The following BCAT1 variants were observed in gnomAD, a reference collection of about 807,000 sequenced individuals.
The protein encoded by BCAT1 is branched-chain-amino-acid aminotransferase, cytosolic.
In BCAT1, 48 loss-of-function variants were observed where a neutral mutation model predicts 52.4. The ratio of observed to expected loss-of-function variants is 0.92; its 90% confidence interval spans 0.73 to 1.16. The LOEUF is 1.16. Among genes scored for constraint, BCAT1 ranks in the 50% most tolerant of loss-of-function variants. The probability of loss-of-function intolerance (pLI) is 0.00; values close to 1 mark genes in which losing one functional copy is unlikely to be tolerated. For synonymous variants in BCAT1, 167 were observed against 161.3 expected, an observed-to-expected ratio of 1.04 and a Z score of -0.27; for missense variants, 451 against 457.1, an observed-to-expected ratio of 0.99 and a Z score of 0.12.
At chr12:24,834,717 T>G (rs1479543328) in intron 8 of BCAT1, 25 of 1,049,296 alleles carry the variant, frequency 2.4e-5, no homozygotes, top group Admixed American at 5.5e-5. Flanking sequence ...TTTCAATTTC[T>G]CTCAGTCTAC....
chr12:24,918,658 T>C (rs1352570878), intron 1 of BCAT1, among the ~76,000 whole-genome samples: 1 of 152,160 alleles, frequency 6.6e-6, no homozygotes, highest in Non-Finnish European at 1.5e-5. Context: ...TTTTCAGAAG[T>C]ATATCATATA....
chr12:24,846,773 T>A (rs1941356734), intron 6 of BCAT1, among the ~76,000 whole-genome samples: 1 of 152,172 alleles, frequency 6.6e-6, no homozygotes, highest in South Asian at 2.1e-4. Flanking sequence ...CAAAGAGAAA[T>A]ACTCCAAAAT....
chr12:24,914,581 G>C (rs1320840306), intron 1 of BCAT1, among the ~76,000 whole-genome samples: 1 of 152,188 alleles, frequency 6.6e-6, no homozygotes, highest in Non-Finnish European at 1.5e-5. Context: ...TTAACATCTG[G>C]AGTTGTCTAT....
Position 24,844,894 on chromosome 12 carries a change from C to CAAAAAAAAAAAAAAAAAAA in BCAT1, c.675-2689_675-2671dup, listed in dbSNP as rs11318750. ...TCTGAGCGACAGAGTGAGACTGTCT[C>CAAAAAAAAAAAAAAAAAAA]AAAAAAAAAAAAAAAAAAAAAAAGA... On this transcript the variant is annotated intron_variant, in intron 6 of 10. Coordinates refer to ENST00000261192, the MANE Select transcript of BCAT1 (RefSeq NM_005504.7). Among the ~76,000 whole-genome samples, 41 of 36,000 alleles carry CAAAAAAAAAAAAAAAAAAA rather than the reference C, an allele frequency of 1.1e-3. 1 individual carries two copies. Among genetic ancestry groups the CAAAAAAAAAAAAAAAAAAA allele is most frequent in the Non-Finnish European group, 1.6e-3 (31 of 19,560 alleles). 23.6% of individuals were successfully genotyped at this position (36,000 alleles called of 152,430 possible).
chr12:24,903,317 T>A (rs1235509142), intron 1 of BCAT1: 1 of 317,566 alleles, frequency 3.1e-6, no homozygotes, highest in Non-Finnish European at 5.6e-6. Context: ...TTCGCGAGCA[T>A]CCTTGTTTAT....
At chr12:24,912,008 G>C (rs182677304) in intron 1 of BCAT1, among the ~76,000 whole-genome samples, 1 of 152,220 alleles carries the variant, frequency 6.6e-6, no homozygotes, top group East Asian at 1.9e-4. Flanking sequence ...GATTGCTTTG[G>C]AGAAAATTTT....
chr12:24,924,792 G>T (rs1943554777), intron 1 of BCAT1, among the ~76,000 whole-genome samples: 1 of 152,176 alleles, frequency 6.6e-6, no homozygotes, highest in South Asian at 2.1e-4. Flanking sequence ...GATATGACAT[G>T]ATCTCTCTGA....
At chr12:24,863,028 C>T (rs1239997020) in intron 5 of BCAT1, among the ~76,000 whole-genome samples, 4 of 152,096 alleles carry the variant, frequency 2.6e-5, no homozygotes, top group African/African-American at 9.7e-5. Context: ...GGGATAAATC[C>T]AGGTTTATTT....
At chr12:24,890,819 T>A (rs987452221) in intron 3 of BCAT1, among the ~76,000 whole-genome samples, 6 of 152,234 alleles carry the variant, frequency 3.9e-5, no homozygotes, top group African/African-American at 1.4e-4. Flanking sequence ...TTTTTTCCTT[T>A]ACTTTCTTAA....
chr12:24,945,000 C>G (rs1020632305), intron 1 of BCAT1, among the ~76,000 whole-genome samples: 4 of 152,124 alleles, frequency 2.6e-5, no homozygotes, highest in Non-Finnish European at 5.9e-5. Flanking sequence ...AAAGGTATAA[C>G]AGTAGAAAAA....
chr12:24,902,914 C>T, intron 1 of BCAT1: 2 of 1,511,622 alleles, frequency 1.3e-6, no homozygotes, highest in South Asian at 1.2e-5. Flanking sequence ...TTCCAATCCT[C>T]CCCCCTTCCG....
chr12:24,866,831 A>G (rs539729859), intron 5 of BCAT1, among the ~76,000 whole-genome samples: 1 of 152,246 alleles, frequency 6.6e-6, no homozygotes, highest in African/African-American at 2.4e-5. Context: ...AAATGGACCA[A>G]TCAGCAGGAT....
At chr12:24,903,272 G>C in intron 1 of BCAT1, 1 of 470,880 alleles carries the variant, frequency 2.1e-6, no homozygotes. Context: ...CCGAGAATGC[G>C]CGCCACGAAC....
intron 10 of BCAT1, among the ~76,000 whole-genome samples, chr12:24,820,896 G>A (rs775392944): frequency 1.3e-5 from 2 of 151,942 alleles, no homozygotes; most frequent in African/African-American, 2.4e-5. Context: ...GTCACTCTAC[G>A]CAACGCCAAT....
intron 4 of BCAT1, 136 bp downstream of exon 4, chr12:24,881,165 G>T: frequency 1.5e-6 from 1 of 654,874 alleles, no homozygotes; most frequent in Non-Finnish European, 2.5e-6. Flanking sequence ...AACTAAAGTA[G>T]ATCAGAAATA....
chr12:24,901,409 C>G (rs1565491039), intron 2 of BCAT1, among the ~76,000 whole-genome samples: 1 of 152,176 alleles, frequency 6.6e-6, no homozygotes, highest in Non-Finnish European at 1.5e-5. Flanking sequence ...CCCCGCAATT[C>G]AGATAGAAAA....
In BCAT1 at chr12:24,949,020, G is replaced by A; in HGVS notation, c.-88C>T. 1.4e-6 allele frequency: 2 copies of A among 1,420,744 alleles called. No homozygotes were observed. The highest frequency in any genetic ancestry group is 1.9e-6 in the Non-Finnish European group (2 of 1,032,466). 88.0% of individuals were successfully genotyped at this position (1,420,744 alleles called of 1,614,324 possible). ...CCTGGCCGTGTGGACCGGGTCTGCG[G>A]CTGCAGAGCGCGGTCCCGGCTGCAG... On this transcript the variant is annotated 5_prime_UTR_variant, in exon 1 of 11. Coordinates refer to ENST00000261192, the MANE Select transcript of BCAT1 (RefSeq NM_005504.7).
intron 1 of BCAT1, among the ~76,000 whole-genome samples, chr12:24,924,253 G>A (rs1171527944): frequency 6.6e-6 from 1 of 152,162 alleles, no homozygotes; most frequent in East Asian, 1.9e-4. Context: ...GAGAGAAAGA[G>A]AACCCCTTCT....
intron 5 of BCAT1, among the ~76,000 whole-genome samples, chr12:24,855,189 G>A (rs781446165): frequency 1.3e-5 from 2 of 151,930 alleles, no homozygotes; most frequent in Admixed American, 6.6e-5. Context: ...ATGTTCCAGA[G>A]TTGTTTTTCA....
Sources: allele counts gnomAD v4.1 joint callset (sites outside exome capture counted in the v4.1 genomes callset), GRCh38; gene constraint gnomAD v4.1.1; transcripts MANE v1.5; gene names NCBI Gene and HGNC (gene_info 2026-07-23, HGNC 2026-07-21).